The following SLC30A7 variants were observed in gnomAD, a reference collection of about 807,000 sequenced individuals.
The protein encoded by SLC30A7 is solute carrier family 30 member 7, also known as zinc transporter 7.
SLC30A7 carries 35 observed loss-of-function variants against 46.0 expected under a neutral mutation model. The ratio of observed to expected loss-of-function variants is 0.76; its 90% CI spans 0.58 to 1.01. The LOEUF (loss-of-function observed/expected upper bound fraction) is 1.01. Among genes scored for constraint, SLC30A7 ranks in the 50% least tolerant of loss-of-function variants. The probability of loss-of-function intolerance (pLI) is 0.00; values close to 1 mark genes in which losing one functional copy is unlikely to be tolerated. For synonymous variants in SLC30A7, 147 were observed against 157.8 expected (o/e 0.93, Z 0.51); for missense variants, 464 against 451.1 (o/e 1.03, Z -0.26).
intron 10 of SLC30A7, among the ~76,000 whole-genome samples, chr1:100,973,492 G>C (rs1656274332): frequency 6.6e-6 from 1 of 152,068 alleles, no homozygotes; most frequent in Non-Finnish European, 1.5e-5. Context: ...GCTCTCACTT[G>C]AGGTTCTAGG....
At chr1:100,913,564 T>C in intron 5 of SLC30A7, 99 bp from the exon 6 acceptor site, 2 of 833,080 alleles carry the variant, frequency 2.4e-6, no homozygotes, top group South Asian at 3.5e-5. Context: ...TGAATTGATC[T>C]GAGTTTAGAG....
chr1:100,960,946 TG>T (rs1318858836), intron 8 of SLC30A7, among the ~76,000 whole-genome samples: 9 of 127,068 alleles, frequency 7.1e-5, no homozygotes, highest in Admixed American at 1.7e-4. Flanking sequence ...TTGTTTTGTG[TG>T]TTTTTTTTTT....
At chr1:100,993,559 A>AATATAAAT in the SLC30A7 span, among the ~76,000 whole-genome samples, 1 of 56,534 alleles carries the variant, frequency 1.8e-5, no homozygotes, top group African/African-American at 6.2e-5. Context: ...CGAAAATATA[A>AATATAAAT]ATATATATAT....
chr1:100,946,212 T>C (rs962292485), intron 8 of SLC30A7, among the ~76,000 whole-genome samples: 1 of 152,232 alleles, frequency 6.6e-6, no homozygotes, highest in Non-Finnish European at 1.5e-5. Flanking sequence ...TTTCTAAATA[T>C]ACATTCATGT....
chr1:100,954,485 A>G (rs1039897338), intron 8 of SLC30A7, among the ~76,000 whole-genome samples: 2 of 152,160 alleles, frequency 1.3e-5, no homozygotes, highest in Admixed American at 1.3e-4. Flanking sequence ...CAAATTTGAC[A>G]TTATACACTG....
intron 8 of SLC30A7, among the ~76,000 whole-genome samples, chr1:100,959,922 T>C (rs1188268150): frequency 6.6e-6 from 1 of 152,078 alleles, no homozygotes; most frequent in Non-Finnish European, 1.5e-5. Flanking sequence ...ACGTAAAAGA[T>C]ACGGATATTA....
intron 10 of SLC30A7, among the ~76,000 whole-genome samples, 180 bp downstream of exon 10, chr1:100,966,098 T>C (rs1039219735): frequency 4.6e-5 from 7 of 151,076 alleles, no homozygotes; most frequent in Admixed American, 2.0e-4. Flanking sequence ...CATGGTGACA[T>C]GCGCCTATAG....
chr1:100,958,199 T>TG (rs1034312591), intron 8 of SLC30A7, among the ~76,000 whole-genome samples: 13 of 151,974 alleles, frequency 8.6e-5, no homozygotes, highest in Admixed American at 2.6e-4. Context: ...TTTTTTGAGA[T>TG]GGAGTCTCGC....
intron 10 of SLC30A7, among the ~76,000 whole-genome samples, chr1:100,968,620 C>T (rs1282759241): frequency 6.6e-6 from 1 of 152,096 alleles, no homozygotes; most frequent in Non-Finnish European, 1.5e-5. Flanking sequence ...CTTTATACTC[C>T]AAACCCACCA....
intron 8 of SLC30A7, among the ~76,000 whole-genome samples, chr1:100,956,687 C>T (rs1423793879): frequency 1.3e-5 from 2 of 152,156 alleles, no homozygotes; most frequent in African/African-American, 2.4e-5. Context: ...GTTATTCACA[C>T]CTATTGCTTA....
chr1:100,924,515 C>G (rs1377064838), intron 8 of SLC30A7, among the ~76,000 whole-genome samples: 4 of 152,088 alleles, frequency 2.6e-5, no homozygotes, highest in African/African-American at 9.7e-5. Context: ...TCTCTACCTC[C>G]CAGGCTGGGT....
At chr1:100,913,586 C>A in intron 5 of SLC30A7, 77 bp from the exon 6 acceptor site, 2 of 1,016,698 alleles carry the variant, frequency 2.0e-6, no homozygotes, top group Non-Finnish European at 3.0e-6. Context: ...TGATTCTTTG[C>A]GCTAGTGTCA....
At chr1:100,911,990 ATTTTTT>A (rs996826505) in intron 4 of SLC30A7, 116 bp from the exon 5 acceptor site, 3 of 834,598 alleles carry the variant, frequency 3.6e-6, no homozygotes, top group African/African-American at 3.4e-5. Flanking sequence ...GTTTTGGGAG[ATTTTTT>A]TTAGTGTTTT....
intron 8 of SLC30A7, among the ~76,000 whole-genome samples, chr1:100,925,067 T>A (rs1158760894): frequency 6.6e-6 from 1 of 152,246 alleles, no homozygotes; most frequent in Non-Finnish European, 1.5e-5. Context: ...TAGGATTATA[T>A]GATAGTGACT....
chr1:100,946,650 G>A (rs1222689794), intron 8 of SLC30A7, among the ~76,000 whole-genome samples: 1 of 152,134 alleles, frequency 6.6e-6, no homozygotes, highest in African/African-American at 2.4e-5. Flanking sequence ...TGATCATGGT[G>A]GATAAGCTTT....
rs779785674 is a variant in SLC30A7, at chr1:100,939,673, TAAAAAAAAAA to T, written c.842+17840_842+17849del. Among the ~76,000 whole-genome samples the T allele has an allele frequency of 6.0e-5, 8 of 133,724 alleles. No individual in the cohort carries two copies. The East Asian group carries it at 1.7e-3, about 28-fold the overall frequency. 87.7% of individuals were successfully genotyped at this position (133,724 alleles called of 152,430 possible). ...AACACAGTGAAACCCTGTCTCTACT[TAAAAAAAAAA>T]AAAAAAATACAAAAAATTAGCTGGG... is the stretch of plus-strand genomic sequence containing the variant. On this transcript the variant is annotated intron_variant, in intron 8 of 10. Transcript: ENST00000357650.
rs1397914295 is a variant in SLC30A7 at position 100,913,822 on chromosome 1, A to G, written c.655+16A>G. The stretch of plus-strand genomic sequence containing the variant: ...CATTCTCATGGTGAGTACAGCCTAG[A>G]GACAAATGGACAGCCTCCAAATAAA... On this transcript the variant is annotated intron_variant, in intron 6 of 10. Coordinates refer to ENST00000357650, the MANE Select transcript of SLC30A7 (RefSeq NM_133496.5). The G allele has an allele frequency of 6.3e-7, 1 of 1,596,424 alleles. No individual in the cohort carries two copies. The highest frequency in any genetic ancestry group is 8.6e-7 in the Non-Finnish European group (1 of 1,169,308).
chr1:100,901,996 T>A (rs925069920), intron 2 of SLC30A7, among the ~76,000 whole-genome samples: 1 of 152,024 alleles, frequency 6.6e-6, no homozygotes, highest in African/African-American at 2.4e-5. Flanking sequence ...TAATTCATAA[T>A]CAGAAACATT....
At chr1:100,991,713 C>T in the SLC30A7 span, among the ~76,000 whole-genome samples, 5 of 146,070 alleles carry the variant, frequency 3.4e-5, no homozygotes, top group South Asian at 2.1e-4. Context: ...GGCTTGAGCC[C>T]GGGAGGCAGA....
Sources: allele counts gnomAD v4.1 joint callset (sites outside exome capture counted in the v4.1 genomes callset), GRCh38; gene constraint gnomAD v4.1.1; transcripts MANE v1.5; gene names NCBI Gene and HGNC (gene_info 2026-07-23, HGNC 2026-07-21).